Variants in HEATR5A observed in about 807,000 individuals in gnomAD.
The protein encoded by HEATR5A is HEAT repeat containing 5A.
In HEATR5A, 178 loss-of-function variants were observed where a neutral mutation model predicts 218.8. The observed-to-expected ratio is 0.81, with a 90% CI of 0.72 to 0.92. The LOEUF is 0.92. Ranked by LOEUF, HEATR5A falls within the 40% of genes least tolerant of loss-of-function variation. The pLI is 0.00. For synonymous variants in HEATR5A, 864 were observed against 871.6 expected (o/e 0.99, Z 0.15); for missense variants, 2,420 against 2,418.9 (o/e 1.00, Z -0.01).
intron 21 of HEATR5A, among the ~76,000 whole-genome samples, chr14:31,338,417 T>A (rs1011960713): frequency 1.3e-5 from 2 of 152,136 alleles, no homozygotes; most frequent in African/African-American, 4.8e-5. Flanking sequence ...ATATACATAT[T>A]TATGTATTGA....
intron 32 of HEATR5A, among the ~76,000 whole-genome samples, chr14:31,303,765 A>C (rs1361694799): frequency 6.6e-6 from 1 of 152,216 alleles, no homozygotes; most frequent in African/African-American, 2.4e-5. Context: ...TAAAAAGCAG[A>C]TAAGGGTCAT....
chr14:31,320,513 G>A, intron 25 of HEATR5A: 1 of 1,252,194 alleles, frequency 8.0e-7, no homozygotes, highest in Non-Finnish European at 1.2e-6. Context: ...GCTGCTGTAG[G>A]AAGGCTGTTT....
intron 7 of HEATR5A, 142 bp from the exon 8 acceptor site, chr14:31,387,517 C>A: frequency 1.4e-6 from 1 of 706,576 alleles, no homozygotes; most frequent in Non-Finnish European, 2.3e-6. Context: ...TTGAAATATA[C>A]AAACATAGCA....
chr14:31,416,501 T>A (rs1360961233), intron 1 of HEATR5A, among the ~76,000 whole-genome samples: 2 of 152,166 alleles, frequency 1.3e-5, no homozygotes, highest in Non-Finnish European at 2.9e-5. Flanking sequence ...TTCCTTCATT[T>A]TTGTCACATA....
chr14:31,396,387 T>C (rs189726700), intron 4 of HEATR5A, among the ~76,000 whole-genome samples: 50 of 151,550 alleles, frequency 3.3e-4, no homozygotes, highest in Non-Finnish European at 5.7e-4. Flanking sequence ...GAGGGTGCAG[T>C]GAGTACAGAC....
intron 6 of HEATR5A, 34 bp downstream of exon 6, chr14:31,394,018 A>C: frequency 2.9e-6 from 4 of 1,379,620 alleles, no homozygotes; most frequent in Non-Finnish European, 3.9e-6. Flanking sequence ...AAAAAATTAC[A>C]GAAGAGACTT....
chr14:31,329,086 A>C (rs1332644109), intron 22 of HEATR5A, among the ~76,000 whole-genome samples: 1 of 152,082 alleles, frequency 6.6e-6, no homozygotes, highest in Non-Finnish European at 1.5e-5. Flanking sequence ...TATCACGAGA[A>C]CAGCATGGGG....
intron 13 of HEATR5A, among the ~76,000 whole-genome samples, chr14:31,365,473 G>T (rs1901767702): frequency 6.6e-6 from 1 of 151,932 alleles, no homozygotes; most frequent in Admixed American, 6.6e-5. Context: ...TCATTTTCCT[G>T]CCTCAGCCTA....
At chr14:31,304,846 T>C in intron 32 of HEATR5A, 59 bp downstream of exon 32, 9 of 1,550,306 alleles carry the variant, frequency 5.8e-6, no homozygotes, top group Non-Finnish European at 7.9e-6. Flanking sequence ...TAGACTCCAT[T>C]ATCTATTAAA....
chr14:31,360,780 C>T (rs1458780338), intron 14 of HEATR5A, among the ~76,000 whole-genome samples: 2 of 152,124 alleles, frequency 1.3e-5, no homozygotes, highest in Admixed American at 1.3e-4. Flanking sequence ...TACTTGCCAT[C>T]ACTTTCTGTA....
At chr14:31,398,565 C>T in intron 4 of HEATR5A, 108 bp downstream of exon 4, 1 of 585,078 alleles carries the variant, frequency 1.7e-6, no homozygotes, top group Non-Finnish European at 3.0e-6. Flanking sequence ...CATTTATATT[C>T]ATATCTACAT....
intron 27 of HEATR5A, among the ~76,000 whole-genome samples, chr14:31,314,386 G>T (rs989654209): frequency 1.3e-5 from 2 of 151,644 alleles, no homozygotes; most frequent in African/African-American, 4.8e-5. Flanking sequence ...CCGAGTAGCT[G>T]GGATTTACAG....
In HEATR5A at chr14:31,313,097, A is replaced by C; in HGVS notation, c.4312T>G (p.Ser1438Ala). The change falls in exon 28 of 36, where the codon TCA becomes GCA. Residue 1438 changes from serine to alanine, a missense_variant. By Grantham distance (99) the Ser-to-Ala change is moderately conservative. Coordinates refer to ENST00000543095, the MANE Select transcript of HEATR5A (RefSeq NM_015473.4). Reference protein sequence around the residue: ...LEDGIRNGSCSSDGLLDLVYA... With the variant: ...LEDGIRNGSCASDGLLDLVYA... Reference sequence around the variant, plus strand: ...ACTAAGTCAAGCAGTCCATCTGATGAACATGATCCATTTCTGATACCGTCT... The same window carrying C: ...ACTAAGTCAAGCAGTCCATCTGATGCACATGATCCATTTCTGATACCGTCT... 6.2e-7 allele frequency: 1 copy of C among 1,613,898 alleles called. No individual in the cohort carries two copies. The highest frequency in any genetic ancestry group is 1.1e-5 in the South Asian group (1 of 91,082).
intron 21 of HEATR5A, among the ~76,000 whole-genome samples, chr14:31,341,575 T>G (rs949723677): frequency 2.0e-5 from 3 of 152,014 alleles, no homozygotes; most frequent in African/African-American, 7.3e-5. Flanking sequence ...TTCTTAAAAT[T>G]TTTTGTAGAG....
At position 31,345,186 on chromosome 14, in the gene HEATR5A, T is replaced by G; in HGVS notation, c.2959A>C (p.Met987Leu). 9 of 1,613,650 alleles carry G rather than the reference T, an allele frequency of 5.6e-6. No individual in the cohort carries two copies. Among genetic ancestry groups the G allele is most frequent in the Non-Finnish European group, 7.6e-6 (9 of 1,179,664 alleles). ...GTAGGAGGCACATTTAACAACAACA[T>G]TATAATAAGAGAAAGGGTAGGTTCC... ...HVEPTLSLII[M>L]LLLNVPPTHA... The change falls in exon 20 of 36, where the codon ATG becomes CTG. Residue 987 changes from methionine (M) to leucine (L), a missense_variant. Met to Leu is a conservative substitution (Grantham distance 15). Transcript: ENST00000543095.
At chr14:31,293,842 A>G in intron 35 of HEATR5A, 49 bp downstream of exon 35, 1 of 1,448,490 alleles carries the variant, frequency 6.9e-7, no homozygotes, top group Non-Finnish European at 9.5e-7. Context: ...ATAACAGTAA[A>G]ATTCTGATTT....
At chr14:31,403,080 A>AG (rs1182558050) in intron 1 of HEATR5A, 31 bp from the exon 2 acceptor site, 16 of 1,051,500 alleles carry the variant, frequency 1.5e-5, no homozygotes, top group African/African-American at 1.6e-5. Flanking sequence ...GTATTTTAAA[A>AG]GGGGGGTAAA....
At chr14:31,323,857 T>C (rs1337175891) in intron 23 of HEATR5A, 53 bp from the exon 24 acceptor site, 6 of 1,223,484 alleles carry the variant, frequency 4.9e-6, no homozygotes, top group African/African-American at 4.7e-5. Flanking sequence ...GATATATATA[T>C]ATATATCAAA....
At chr14:31,364,390 C>T (rs554717922) in intron 13 of HEATR5A, 92 bp from the exon 14 acceptor site, 15 of 615,650 alleles carry the variant, frequency 2.4e-5, no homozygotes, top group Non-Finnish European at 3.7e-5. Flanking sequence ...TATAAATTAG[C>T]TATGTATTTT....
Sources: allele counts gnomAD v4.1 joint callset (sites outside exome capture counted in the v4.1 genomes callset), GRCh38; gene constraint gnomAD v4.1.1; transcripts MANE v1.5; gene names NCBI Gene and HGNC (gene_info 2026-07-23, HGNC 2026-07-21).